Variants in EFNB2 observed in about 807,000 individuals in gnomAD.
The protein encoded by EFNB2 is ephrin B2.
EFNB2 carries 5 observed loss-of-function variants against 32.1 expected under a neutral mutation model. The observed-to-expected ratio is 0.16, with a 90% CI of 0.08 to 0.33. The LOEUF is 0.33. Ranked by LOEUF, EFNB2 falls within the 10% of genes least tolerant of loss-of-function variation. EFNB2 has a pLI of 1.00. For synonymous variants in EFNB2, 168 were observed against 166.5 expected (o/e 1.01, Z -0.07); for missense variants, 263 against 422.6 (o/e 0.62, Z 3.31).
chr13:106,528,486 C>A (rs1208451232), intron 1 of EFNB2, among the ~76,000 whole-genome samples: 2 of 150,524 alleles, frequency 1.3e-5, no homozygotes, highest in East Asian at 2.0e-4. Context: ...AAAAAAACAA[C>A]AACAACAACA....
chr13:106,532,518 C>T (rs1015078229), intron 1 of EFNB2, among the ~76,000 whole-genome samples: 31 of 152,186 alleles, frequency 2.0e-4, no homozygotes, highest in Non-Finnish European at 1.5e-5. Context: ...AAAGCGACCC[C>T]CTGTCATCAG....
intron 1 of EFNB2, among the ~76,000 whole-genome samples, chr13:106,522,066 C>A (rs777792412): frequency 3.1e-4 from 46 of 150,150 alleles, no homozygotes; most frequent in South Asian, 2.1e-4. Flanking sequence ...AAAAAAAAAA[C>A]CACACACGCA....
intron 2 of EFNB2, chr13:106,510,313 TCAC>T (rs1209685692): frequency 6.6e-6 from 1 of 152,272 alleles, no homozygotes; most frequent in Admixed American, 6.5e-5. Flanking sequence ...TATTAAATGC[TCAC>T]CACATTAAGC....
chr13:106,509,627 CTGTGTGTGTG>C (rs34068695), intron 2 of EFNB2, among the ~76,000 whole-genome samples: 4,128 of 142,514 alleles, frequency 0.029, 135 homozygotes, highest in African/African-American at 0.086. Context: ...CAGAGCTTGA[CTGTGTGTGTG>C]TGTGTGTGTG....
intron 1 of EFNB2, among the ~76,000 whole-genome samples, chr13:106,515,004 A>G (rs1477893438): frequency 6.6e-6 from 1 of 152,174 alleles, no homozygotes; most frequent in East Asian, 1.9e-4. Flanking sequence ...CTCCTTCTTC[A>G]TTCAAAATGC....
chr13:106,520,617 G>T (rs190676830), intron 1 of EFNB2: 2 of 152,288 alleles, frequency 1.3e-5, no homozygotes, highest in African/African-American at 4.8e-5. Flanking sequence ...CTTCAGTCTT[G>T]CATGTCTTCC....
intron 2 of EFNB2, among the ~76,000 whole-genome samples, chr13:106,510,911 A>G (rs1879121533): frequency 6.6e-6 from 1 of 152,174 alleles, no homozygotes; most frequent in Admixed American, 6.5e-5. Flanking sequence ...AGGCAGGAGA[A>G]TCACTTGAAC....
chr13:106,517,949 C>A (rs1455215930), intron 1 of EFNB2: 1 of 152,212 alleles, frequency 6.6e-6, no homozygotes, highest in Non-Finnish European at 1.5e-5. Context: ...TAAGTCTAAT[C>A]ATCTCAATTA....
At chr13:106,501,135 CAAAT>C (rs1348354809) in intron 2 of EFNB2, among the ~76,000 whole-genome samples, 2 of 152,254 alleles carry the variant, frequency 1.3e-5, no homozygotes, top group East Asian at 3.9e-4. Flanking sequence ...TTCTGAAACT[CAAAT>C]TAATGTAGTT....
At chr13:106,517,374 G>A (rs1033373734) in intron 1 of EFNB2, 1 of 152,130 alleles carries the variant, frequency 6.6e-6, no homozygotes, top group African/African-American at 2.4e-5. Flanking sequence ...GTTAGAGAGA[G>A]GTGTCATTTA....
rs374306839 is a variant in EFNB2 at position 106,533,775 on chromosome 13, T to A, written c.122+1068A>T. On this transcript the variant is annotated intron_variant, in intron 1 of 4. Transcript: ENST00000646441. ...AGAAACCAGCTAATGTCTGCATACTTCTTCTCCAAGTTTCCCGAGACTACA... is the reference window on the plus strand; with the variant it reads ...AGAAACCAGCTAATGTCTGCATACTACTTCTCCAAGTTTCCCGAGACTACA... Among the ~76,000 whole-genome samples the A allele has an allele frequency of 1.4e-4, 22 of 152,240 alleles. No individual in the cohort carries two copies. The South Asian group carries it at 4.6e-3, about 32-fold the overall frequency.
intron 2 of EFNB2, among the ~76,000 whole-genome samples, chr13:106,499,911 G>A (rs901316158): frequency 1.3e-5 from 2 of 152,164 alleles, no homozygotes; most frequent in East Asian, 3.9e-4. Context: ...AGTGGGTAGA[G>A]ATTACTGCTC....
chr13:106,498,344 C>A (rs140386579), intron 2 of EFNB2, among the ~76,000 whole-genome samples: 2 of 152,154 alleles, frequency 1.3e-5, no homozygotes, highest in African/African-American at 2.4e-5. Flanking sequence ...TTGAGAACTG[C>A]GTCTGCAGAG....
At chr13:106,521,902 T>C (rs1044724939) in intron 1 of EFNB2, among the ~76,000 whole-genome samples, 2 of 152,074 alleles carry the variant, frequency 1.3e-5, no homozygotes, top group Non-Finnish European at 2.9e-5. Context: ...TTGGTATTAA[T>C]CATCTAGAAA....
At chr13:106,513,277 T>G (rs895917412) in intron 1 of EFNB2, among the ~76,000 whole-genome samples, 5 of 152,248 alleles carry the variant, frequency 3.3e-5, no homozygotes, top group African/African-American at 1.2e-4. Flanking sequence ...AGTTTCCCTG[T>G]GCTGTTGATG....
intron 1 of EFNB2, among the ~76,000 whole-genome samples, chr13:106,513,490 C>T (rs2893261): frequency 0.04 from 6,154 of 152,174 alleles, 432 homozygotes; most frequent in African/African-American, 0.14. Flanking sequence ...AACTACTGTC[C>T]CTGCCCTATA....
At position 106,534,956 on chromosome 13, in the gene EFNB2, C is replaced by T. The variant is rs1297993450; in HGVS notation, c.9G>A (p.Val3=). The change falls in exon 1 of 5, where the codon GTG becomes GTA. Residue 3 remains valine (V), a synonymous_variant. Transcript: ENST00000646441. The part of the protein sequence containing the change: MA[V]RRDSVWKYCW... The stretch of plus-strand genomic sequence containing the variant: ...AGTACTTCCACACGGAGTCCCTTCT[C>T]ACAGCCATGGCGAAGCCACTCCCAG... 2 of 1,613,226 alleles carry T rather than the reference C, an allele frequency of 1.2e-6. No individual in the cohort carries two copies. Among genetic ancestry groups the T allele is most frequent in the Admixed American group, 1.7e-5 (1 of 59,912 alleles).
chr13:106,513,255 T>C (rs1035702472), intron 1 of EFNB2, among the ~76,000 whole-genome samples: 3 of 152,238 alleles, frequency 2.0e-5, no homozygotes, highest in Non-Finnish European at 2.9e-5. Flanking sequence ...ACTAATACTT[T>C]GTTGTCCTGT....
At position 106,493,794 on chromosome 13, in the gene EFNB2, C is replaced by T. The variant is rs771622275; in HGVS notation, c.614-366G>A. Among the ~76,000 whole-genome samples, 1 of 152,130 alleles carries T rather than the reference C, an allele frequency of 6.6e-6. No homozygotes were observed. The highest frequency in any genetic ancestry group is 1.5e-5 in the Non-Finnish European group (1 of 68,018). ...GCCAATTCTCCAGGTCAGCGGTGAG[C>T]GTTTATGTGGTATTGCTCTTCCGCC... On this transcript the variant is annotated intron_variant, in intron 4 of 4. Transcript: ENST00000646441. The surrounding 1 kb of genome is among the most constrained non-coding windows in gnomAD (Gnocchi z 6.1).
Sources: gnomAD v4.1 joint callset for allele counts (sites outside exome capture counted in the v4.1 genomes callset) on GRCh38, gnomAD v4.1.1 for gene constraint, Gnocchi (gnomAD v3.1) non-coding constraint, MANE v1.5 for transcripts, NCBI Gene and HGNC (gene_info 2026-07-23, HGNC 2026-07-21) for gene names.